Variants in FBLN5 observed in about 807,000 individuals in gnomAD.
FBLN5 encodes the protein fibulin-5.
FBLN5 carries 24 observed loss-of-function variants against 61.6 expected under a neutral mutation model. The observed-to-expected ratio is 0.39, with a 90% CI of 0.28 to 0.55. FBLN5 has a LOEUF of 0.55. FBLN5 is among the 20% of genes least tolerant of loss of function. The pLI is 0.65. For missense variants in FBLN5, 470 were observed against 594.1 expected, an observed-to-expected ratio of 0.79 and a Z score of 2.17; for synonymous variants, 213 against 219.8, an observed-to-expected ratio of 0.97 and a Z score of 0.27.
chr14:91,918,286 T>G (rs1468060922), intron 4 of FBLN5, among the ~76,000 whole-genome samples: 1 of 152,238 alleles, frequency 6.6e-6, no homozygotes, highest in African/African-American at 2.4e-5. Context: ...ATAGTCAGGC[T>G]TTCTGGAGTG....
chr14:91,896,986 C>T (rs1442595259), intron 4 of FBLN5, among the ~76,000 whole-genome samples: 1 of 152,150 alleles, frequency 6.6e-6, no homozygotes, highest in African/African-American at 2.4e-5. Context: ...CCCTCGGCTT[C>T]AGGTGATATG....
intron 4 of FBLN5, among the ~76,000 whole-genome samples, chr14:91,904,098 A>G (rs4904821): frequency 0.023 from 3,576 of 152,338 alleles, 74 homozygotes; most frequent in Non-Finnish European, 0.038. Flanking sequence ...TTCACTTCCT[A>G]CAATATACTT....
At position 91,887,206 on chromosome 14, in the gene FBLN5, G is replaced by C. The variant is rs148209555; in HGVS notation, c.726C>G (p.Gly242=). Residue 242 remains glycine, a synonymous_variant, in exon 7 of 11, where the codon GGC becomes GGG. Coordinates refer to ENST00000342058, the MANE Select transcript of FBLN5 (RefSeq NM_006329.4). ...CDPGYELEED[G]VHCSDMDECS... is the part of the protein sequence containing the mutation. ...AAAGCCCATTACCACTGCAATGAAC[G>C]CCATCTTCCTCAAGTTCATATCCTG... The C allele has an allele frequency of 6.2e-7, 1 of 1,613,646 alleles. No homozygotes were observed. Among genetic ancestry groups the C allele is most frequent in the Non-Finnish European group, 8.5e-7 (1 of 1,179,880 alleles).
At chr14:91,916,818 C>T (rs1891215617) in intron 4 of FBLN5, among the ~76,000 whole-genome samples, 1 of 152,156 alleles carries the variant, frequency 6.6e-6, no homozygotes, top group Non-Finnish European at 1.5e-5. Flanking sequence ...AGCTCTTGCC[C>T]TCCCACCATC....
intron 4 of FBLN5, among the ~76,000 whole-genome samples, chr14:91,904,358 T>C: frequency 6.6e-6 from 1 of 152,094 alleles, no homozygotes; most frequent in East Asian, 1.9e-4. Flanking sequence ...TCCCAGAGGA[T>C]GAAGAATATC....
At chr14:91,941,622 C>T (rs779134460) in intron 2 of FBLN5, among the ~76,000 whole-genome samples, 5 of 152,084 alleles carry the variant, frequency 3.3e-5, no homozygotes, top group African/African-American at 9.7e-5. Flanking sequence ...GGAAGCTGTG[C>T]CGGGAAGCTG....
At chr14:91,919,255 T>C (rs1481259987) in intron 4 of FBLN5, among the ~76,000 whole-genome samples, 3 of 149,378 alleles carry the variant, frequency 2.0e-5, no homozygotes, top group Non-Finnish European at 4.4e-5. Context: ...GATGTGAACT[T>C]GGGAGGTAGA....
chr14:91,881,318 C>T lies in FBLN5; in HGVS notation c.963G>A (p.Glu321=), dbSNP rs1438968349. 2 of 1,614,158 alleles carry T rather than the reference C, an allele frequency of 1.2e-6. No homozygotes were observed. The highest frequency in any genetic ancestry group is 1.7e-5 in the Admixed American group (1 of 60,016). Residue 321 remains glutamate, a synonymous_variant, in exon 9 of 11, where the codon GAG becomes GAA. Transcript: ENST00000342058. ...TATCACTGATCCTCAGATAAGGCTC[C>T]TCACAGCGGATGGGGTCAATGCATT... ...GFKCIDPIRC[E]EPYLRISDNR... is the part of the protein sequence containing the mutation.
At chr14:91,889,893 C>T (rs748183177) in intron 6 of FBLN5, among the ~76,000 whole-genome samples, 14 of 152,216 alleles carry the variant, frequency 9.2e-5, no homozygotes, top group Non-Finnish European at 1.3e-4. Flanking sequence ...GACGCAGGCA[C>T]CTTTTGGCTT....
chr14:91,871,725 C>T (rs1177822401), intron 10 of FBLN5, among the ~76,000 whole-genome samples: 2 of 152,080 alleles, frequency 1.3e-5, no homozygotes. Context: ...GGCATGTTGG[C>T]AGGTGCCTGT....
intron 4 of FBLN5, 139 bp downstream of exon 4, chr14:91,936,808 A>G (rs961085834): frequency 9.5e-7 from 1 of 1,053,086 alleles, no homozygotes; most frequent in African/African-American, 1.6e-5. Context: ...TAAGAGTGAA[A>G]TAAGTATGCA....
intron 10 of FBLN5, among the ~76,000 whole-genome samples, chr14:91,872,525 C>G (rs2498848): frequency 0.013 from 2,000 of 152,272 alleles, 20 homozygotes; most frequent in Non-Finnish European, 0.022. Flanking sequence ...TTATCTGTCT[C>G]CATAAAAGGA....
intron 4 of FBLN5, among the ~76,000 whole-genome samples, chr14:91,921,799 G>A (rs983492670): frequency 6.6e-6 from 1 of 152,194 alleles, no homozygotes; most frequent in Non-Finnish European, 1.5e-5. Context: ...CCAAATAGAA[G>A]GAAGAGAAAG....
In FBLN5 at chr14:91,947,198, G is replaced by C. The variant is rs1418396703; in HGVS notation, c.17+15C>G. 3 of 1,614,078 alleles carry C rather than the reference G, an allele frequency of 1.9e-6. No individual in the cohort carries two copies. The highest frequency in any genetic ancestry group is 2.5e-6 in the Non-Finnish European group (3 of 1,180,024). On this transcript the variant is annotated intron_variant, in intron 1 of 10. Coordinates refer to ENST00000342058, the MANE Select transcript of FBLN5 (RefSeq NM_006329.4). The surrounding 1 kb of genome is among the most constrained non-coding windows in gnomAD (Gnocchi z 4.3). Reference sequence around the variant, plus strand: ...CAGACCCTGGAGAAAGAAAAGTCCAGCGCCGAGAACCCACCTTTTTATTCC... The same window carrying C: ...CAGACCCTGGAGAAAGAAAAGTCCACCGCCGAGAACCCACCTTTTTATTCC...
chr14:91,947,289 C>T lies in FBLN5; in HGVS notation c.-60G>A, dbSNP rs1362868897. Reference sequence around the variant, plus strand: ...GAAGAAAGCTCGCGGGCGGGACCCCCGGAGGAGCTCGGGCACGTCGGCCTC... The same window carrying T: ...GAAGAAAGCTCGCGGGCGGGACCCCTGGAGGAGCTCGGGCACGTCGGCCTC... On this transcript the variant is annotated 5_prime_UTR_variant, in exon 1 of 11. Coordinates refer to ENST00000342058, the MANE Select transcript of FBLN5 (RefSeq NM_006329.4). The surrounding 1 kb of genome is among the most constrained non-coding windows in gnomAD (Gnocchi z 4.3). 4 of 1,608,784 alleles carry T rather than the reference C, an allele frequency of 2.5e-6. No individual in the cohort carries two copies. The highest frequency in any genetic ancestry group is 3.4e-6 in the Non-Finnish European group (4 of 1,175,570).
In FBLN5 at chr14:91,888,802, C is replaced by T. The variant is rs570307674; in HGVS notation, c.620-1490G>A. Among the ~76,000 whole-genome samples, 181 of 152,072 alleles carry T rather than the reference C, an allele frequency of 1.2e-3. 2 individuals are homozygous for T. The highest frequency in any genetic ancestry group is 6.8e-3 in the Middle Eastern group (2 of 294). On this transcript the variant is annotated intron_variant, in intron 6 of 10. Transcript: ENST00000342058. ...GATTCATTCTGCACAGCTCATCGTG[C>T]GGGGAGGGCAGGGAAGAGTCTCTTT...
chr14:91,890,372 T>C lies in FBLN5; in HGVS notation c.619+849A>G, dbSNP rs1022394928. On this transcript the variant is annotated intron_variant, in intron 6 of 10. Coordinates refer to ENST00000342058, the MANE Select transcript of FBLN5 (RefSeq NM_006329.4). ...GAAATGGGCCCTGCAAAGCCTGAGG[T>C]CTCCAGACAAAGACCTCATTCTGCG... Among the ~76,000 whole-genome samples the C allele has an allele frequency of 2.6e-5, 4 of 151,982 alleles. No homozygotes were observed. The South Asian group carries it at 6.2e-4, about 24-fold the overall frequency.
At chr14:91,874,529 T>G (rs1444671594) in intron 10 of FBLN5, 1 of 152,190 alleles carries the variant, frequency 6.6e-6, no homozygotes, top group African/African-American at 2.4e-5. Flanking sequence ...CCTGCCCTGG[T>G]GCTTATTAGT....
At chr14:91,885,237 T>C (rs905770387) in intron 7 of FBLN5, among the ~76,000 whole-genome samples, 12 of 152,212 alleles carry the variant, frequency 7.9e-5, no homozygotes, top group African/African-American at 1.2e-4. Context: ...GTGTGCATCA[T>C]GGAGAACATG....
Sources: allele counts gnomAD v4.1 joint callset (sites outside exome capture counted in the v4.1 genomes callset), GRCh38; gene constraint gnomAD v4.1.1; non-coding constraint Gnocchi (gnomAD v3.1); transcripts MANE v1.5; gene names NCBI Gene and HGNC (gene_info 2026-07-23, HGNC 2026-07-21).